The following EYA4 variants were observed in gnomAD, a reference collection of about 807,000 sequenced individuals.
EYA4 encodes the protein protein phosphatase EYA4.
Under a neutral mutation model 87.9 loss-of-function variants are expected in EYA4, and 31 were observed. The observed-to-expected ratio is 0.35, with a 90% confidence interval of 0.27 to 0.48. EYA4 has a LOEUF of 0.48. Among genes scored for constraint, EYA4 ranks in the 20% least tolerant of loss-of-function variants. EYA4 has a pLI of 0.99. For synonymous variants in EYA4, 263 were observed against 270.6 expected (o/e 0.97, Z 0.28); for missense variants, 678 against 761.4 (o/e 0.89, Z 1.29).
chr6:133,303,826 G>A (rs1362949633), intron 2 of EYA4, among the ~76,000 whole-genome samples: 2 of 152,132 alleles, frequency 1.3e-5, no homozygotes, highest in Non-Finnish European at 2.9e-5. Flanking sequence ...GGTATCTCAT[G>A]TGCCATGGTT....
At chr6:133,243,217 T>TTAGGTA (rs1774118248) in intron 1 of EYA4, among the ~76,000 whole-genome samples, 1 of 152,022 alleles carries the variant, frequency 6.6e-6, no homozygotes, top group Admixed American at 6.5e-5. Context: ...TTACAGACAC[T>TTAGGTA]TCCAAAATCT....
intron 3 of EYA4, among the ~76,000 whole-genome samples, chr6:133,430,561 A>C (rs1298128846): frequency 6.6e-6 from 1 of 152,218 alleles, no homozygotes; most frequent in Non-Finnish European, 1.5e-5. Flanking sequence ...TCCATCAATC[A>C]GATTATAAAA....
chr6:133,251,666 T>C (rs1171410744), intron 1 of EYA4, among the ~76,000 whole-genome samples: 1 of 152,210 alleles, frequency 6.6e-6, no homozygotes, highest in African/African-American at 2.4e-5. Context: ...GATACTGTCC[T>C]GTGCCTGGTA....
rs3065331 is a variant in EYA4, at chr6:133,273,097, GTA to G, written c.-65-1600_-65-1599del. Among the ~76,000 whole-genome samples the G allele has an allele frequency of 8.3e-3, 881 of 106,530 alleles. 31 individuals carry two copies. The highest frequency in any genetic ancestry group is 0.024 in the African/African-American group (761 of 31,548). The allele number at this position is 106,530 out of a possible 152,430, so 69.9% of individuals were successfully genotyped here. ...CAGAACTAATAGGAGATATATATATGTATATATATATATATATATAAAGGGAA... is the reference window on the plus strand; with the variant it reads ...CAGAACTAATAGGAGATATATATATGTATATATATATATATATAAAGGGAA... On this transcript the variant is annotated intron_variant, in intron 1 of 19. Coordinates refer to ENST00000355286, the MANE Select transcript of EYA4 (RefSeq NM_004100.5).
intron 13 of EYA4, among the ~76,000 whole-genome samples, chr6:133,500,375 T>C (rs1459226893): frequency 2.6e-5 from 4 of 152,024 alleles, no homozygotes; most frequent in Non-Finnish European, 4.4e-5. Flanking sequence ...AACCCTACTT[T>C]TCCATAACGC....
At chr6:133,354,021 A>C (rs958424960) in intron 2 of EYA4, among the ~76,000 whole-genome samples, 1 of 152,152 alleles carries the variant, frequency 6.6e-6, no homozygotes, top group East Asian at 1.9e-4. Flanking sequence ...TGAGAATGCT[A>C]CCTTTCTGTT....
intron 3 of EYA4, among the ~76,000 whole-genome samples, chr6:133,396,276 A>G (rs748659443): frequency 6.6e-6 from 1 of 152,214 alleles, no homozygotes; most frequent in Non-Finnish European, 1.5e-5. Context: ...GTCTTATTAC[A>G]TGAAGTGATG....
intron 2 of EYA4, chr6:133,363,214 A>G (rs1304792182): frequency 6.6e-6 from 1 of 152,164 alleles, no homozygotes; most frequent in Non-Finnish European, 1.5e-5. Flanking sequence ...ATGTTTATGA[A>G]GTCCAGAGGG....
chr6:133,442,404 C>T (rs544639119), intron 3 of EYA4, among the ~76,000 whole-genome samples: 99 of 152,256 alleles, frequency 6.5e-4, no homozygotes, highest in African/African-American at 2.3e-3. Context: ...ACTTCCATCC[C>T]TCTGAAAAAT....
At chr6:133,473,571 C>G (rs1313072357) in intron 11 of EYA4, among the ~76,000 whole-genome samples, 7 of 152,026 alleles carry the variant, frequency 4.6e-5, no homozygotes, top group Non-Finnish European at 1.0e-4. Flanking sequence ...AGAATATAAT[C>G]TTTACCTGTG....
intron 12 of EYA4, among the ~76,000 whole-genome samples, chr6:133,482,746 TA>T (rs1413309774): frequency 2.0e-5 from 3 of 152,210 alleles, no homozygotes; most frequent in Non-Finnish European, 4.4e-5. Context: ...GCTTCTATCA[TA>T]AAGTCTGAAT....
chr6:133,266,272 C>T (rs908436489), intron 1 of EYA4, among the ~76,000 whole-genome samples: 11 of 152,174 alleles, frequency 7.2e-5, no homozygotes, highest in African/African-American at 2.2e-4. Context: ...TGCCATGTAA[C>T]GTTAGGCACG....
intron 2 of EYA4, 91 bp from the exon 3 acceptor site, chr6:133,382,301 T>C: frequency 1.1e-6 from 1 of 889,644 alleles, no homozygotes; most frequent in Admixed American, 1.7e-5. Context: ...GAGAACTTGG[T>C]GAACAGAGCT....
intron 1 of EYA4, among the ~76,000 whole-genome samples, chr6:133,249,084 T>C (rs1342205343): frequency 2.0e-5 from 3 of 152,192 alleles, no homozygotes; most frequent in Non-Finnish European, 4.4e-5. Context: ...TCCTTATCAG[T>C]GTTGCTGAAG....
chr6:133,312,701 A>G (rs1780323056), intron 2 of EYA4, among the ~76,000 whole-genome samples: 1 of 152,200 alleles, frequency 6.6e-6, no homozygotes, highest in African/African-American at 2.4e-5. Flanking sequence ...GCTTTGCTCA[A>G]GACTCCACCC....
At chr6:133,493,848 T>C (rs1362740313) in intron 13 of EYA4, among the ~76,000 whole-genome samples, 10 of 152,218 alleles carry the variant, frequency 6.6e-5, no homozygotes, top group Non-Finnish European at 2.9e-5. Flanking sequence ...GTTCCCATCA[T>C]TGATCATCAG....
chr6:133,274,871 T>C, intron 2 of EYA4, 58 bp downstream of exon 2: 1 of 1,235,796 alleles, frequency 8.1e-7, no homozygotes, highest in East Asian at 2.3e-5. Flanking sequence ...CTGAAAATCA[T>C]ACGTAAAAGA....
chr6:133,358,656 A>G (rs1784245820), intron 2 of EYA4, among the ~76,000 whole-genome samples: 1 of 152,196 alleles, frequency 6.6e-6, no homozygotes, highest in African/African-American at 2.4e-5. Context: ...TTGTATATTC[A>G]TTCATTAAGT....
intron 1 of EYA4, among the ~76,000 whole-genome samples, chr6:133,253,096 T>C (rs1423461381): frequency 2.6e-5 from 4 of 152,072 alleles, no homozygotes; most frequent in Admixed American, 1.3e-4. Context: ...CCAAAATATT[T>C]TTCTGTTTCC....
Sources: gnomAD v4.1 joint callset for allele counts (sites outside exome capture counted in the v4.1 genomes callset) on GRCh38, gnomAD v4.1.1 for gene constraint, MANE v1.5 for transcripts, NCBI Gene and HGNC (gene_info 2026-07-23, HGNC 2026-07-21) for gene names.